MAPK8IP3: variants seen among roughly 807,000 people sequenced by gnomAD.
The protein encoded by MAPK8IP3 is C-Jun-amino-terminal kinase-interacting protein 3.
A neutral mutation model predicts 157.8 loss-of-function variants in MAPK8IP3; 49 were observed. The ratio of observed to expected loss-of-function variants is 0.31; its 90% CI spans 0.25 to 0.39. MAPK8IP3 has a LOEUF of 0.39. Among genes scored for constraint, MAPK8IP3 ranks in the 10% least tolerant of loss-of-function variants. The pLI, the probability that MAPK8IP3 is intolerant of heterozygous loss-of-function variation, is 1.00. For synonymous variants in MAPK8IP3, 897 were observed against 777.7 expected (o/e 1.15, Z -2.55); for missense variants, 1,478 against 1,889.4 (o/e 0.78, Z 4.04).
At chr16:1,731,637 A>ATTCT (rs1300782571) in intron 4 of MAPK8IP3, among the ~76,000 whole-genome samples, 10 of 152,208 alleles carry the variant, frequency 6.6e-5, no homozygotes, top group African/African-American at 2.4e-4. Context: ...AGGAAATAGA[A>ATTCT]CTGACCAGGA....
intron 1 of MAPK8IP3, among the ~76,000 whole-genome samples, chr16:1,712,207 G>A (rs1312683267): frequency 1.3e-5 from 2 of 151,484 alleles, no homozygotes. Flanking sequence ...GACTACAGGT[G>A]CCCGCCAACA....
chr16:1,732,281 G>T (rs1208661629), intron 4 of MAPK8IP3, among the ~76,000 whole-genome samples: 1 of 152,218 alleles, frequency 6.6e-6, no homozygotes, highest in Non-Finnish European at 1.5e-5. Flanking sequence ...CACAGCCAGG[G>T]CTGCGATGGC....
chr16:1,712,283 G>C (rs1461957356), intron 1 of MAPK8IP3, among the ~76,000 whole-genome samples: 4 of 151,702 alleles, frequency 2.6e-5, no homozygotes, highest in Non-Finnish European at 5.9e-5. Flanking sequence ...GGATGGTCTC[G>C]ATCTGCTGAC....
At chr16:1,722,158 T>C (rs1414636464) in intron 1 of MAPK8IP3, among the ~76,000 whole-genome samples, 1 of 152,246 alleles carries the variant, frequency 6.6e-6, no homozygotes, top group Non-Finnish European at 1.5e-5. Flanking sequence ...CAAAATCACT[T>C]ATTTTTATTT....
Position 1,760,468 on chromosome 16 carries a change from G to C in MAPK8IP3, c.1393G>C (p.Ala465Pro). 6.2e-7 allele frequency: 1 copy of C among 1,613,994 alleles called. No individual in the cohort carries two copies. Among genetic ancestry groups the C allele is most frequent in the Non-Finnish European group, 8.5e-7 (1 of 1,179,938 alleles). The change falls in exon 12 of 32, where the codon GCT becomes CCT. Residue 465 changes from alanine to proline, a missense_variant. Coordinates refer to ENST00000610761, the MANE Select transcript of MAPK8IP3 (RefSeq NM_001318852.2). ...GGAGGTGCTGAGGGGCGAGTTGGAG[G>C]CTGCTAAGCAGGCCAAAGTCAAGCT... ...EQEVLRGELE[A>P]AKQAKVKLEN...
chr16:1,768,980 T>C lies in MAPK8IP3; in HGVS notation c.*156T>C, dbSNP rs2042455874. 2.5e-6 allele frequency: 2 copies of C among 799,780 alleles called. No homozygotes were observed. The highest frequency in any genetic ancestry group is 1.7e-5 in the South Asian group (1 of 57,216). 49.5% of individuals were successfully genotyped at this position (799,780 alleles called of 1,614,324 possible). On this transcript the variant is annotated 3_prime_UTR_variant, in exon 32 of 32. Transcript: ENST00000610761. The stretch of plus-strand genomic sequence containing the variant: ...TCTGGCCCCTCCAGCGGGCAGGGAG[T>C]GCGGGGATGCGGATCAGCTGGGAGG...
intron 4 of MAPK8IP3, among the ~76,000 whole-genome samples, chr16:1,732,192 G>T (rs2039361423): frequency 6.6e-6 from 1 of 152,200 alleles, no homozygotes; most frequent in African/African-American, 2.4e-5. Flanking sequence ...GGGGAGGAAG[G>T]GCCTGAAGTC....
chr16:1,759,801 T>C, intron 10 of MAPK8IP3, 157 bp from the exon 11 acceptor site: 1 of 664,372 alleles, frequency 1.5e-6, no homozygotes, highest in Non-Finnish European at 2.7e-6. Context: ...GGGCCCAGCA[T>C]GAGCCCCGCC....
At chr16:1,734,169 A>G (rs1229871384) in intron 4 of MAPK8IP3, among the ~76,000 whole-genome samples, 1 of 152,258 alleles carries the variant, frequency 6.6e-6, no homozygotes, top group Non-Finnish European at 1.5e-5. Flanking sequence ...TCCTTGCCAG[A>G]TCTCCACAGC....
At chr16:1,717,434 A>G (rs1214448863) in intron 1 of MAPK8IP3, among the ~76,000 whole-genome samples, 1 of 152,154 alleles carries the variant, frequency 6.6e-6, no homozygotes, top group African/African-American at 2.4e-5. Context: ...CGACTGAGGA[A>G]CGACACCCAT....
At position 1,764,436 on chromosome 16, in the gene MAPK8IP3, C is replaced by T; in HGVS notation, c.2257C>T (p.His753Tyr). 4 of 1,608,300 alleles carry T rather than the reference C, an allele frequency of 2.5e-6. 1 individual carries two copies. The South Asian group carries it at 3.3e-5, about 13-fold the overall frequency. The change falls in exon 19 of 32, where the codon CAC (histidine) becomes TAC (tyrosine). Residue 753 changes from histidine to tyrosine, a missense_variant. Around this residue, in one of 11 missense-constraint regions of MAPK8IP3, gnomAD observed 669 missense variants for 759.8 expected, o/e 0.88. Transcript: ENST00000610761. The stretch of plus-strand genomic sequence containing the variant: ...AGGAGACGGCGAGCCCAAGAGCGCC[C>T]ACACGTCTCCCGAGAAGAAGAAGGT... ...REGDGEPKSA[H>Y]TSPEKKKAKE...
At chr16:1,728,093 G>A (rs542537029) in intron 2 of MAPK8IP3, among the ~76,000 whole-genome samples, 26 of 152,342 alleles carry the variant, frequency 1.7e-4, no homozygotes, top group African/African-American at 6.0e-4. Context: ...CTGTGGAGGC[G>A]GCCATCAGGC....
Position 1,758,967 on chromosome 16 carries a change from C to T in MAPK8IP3, c.1229-11C>T, listed in dbSNP as rs749631988. 7 of 1,614,028 alleles carry T rather than the reference C, an allele frequency of 4.3e-6. No homozygotes were observed. Among genetic ancestry groups the T allele is most frequent in the African/African-American group, 2.7e-5 (2 of 74,938 alleles). ...TTGCCCATCTCCTGTGGGACGGGGA[C>T]GGCTCCCTAGTGCGCGATGATTTCT... On this transcript the variant is annotated splice_polypyrimidine_tract_variant and intron_variant, in intron 9 of 31. Coordinates refer to ENST00000610761, the MANE Select transcript of MAPK8IP3 (RefSeq NM_001318852.2).
Position 1,766,750 on chromosome 16 carries a change from C to T in MAPK8IP3, c.2967C>T (p.Asn989=), listed in dbSNP as rs771543953. 3 of 1,612,882 alleles carry T rather than the reference C, an allele frequency of 1.9e-6. No individual in the cohort carries two copies. The highest frequency in any genetic ancestry group is 2.5e-6 in the Non-Finnish European group (3 of 1,179,928). The part of the protein sequence containing the change: ...GWLYVHSAVA[N]WKKCLHSIKL... ...TCTATGTGCACTCGGCTGTGGCCAA[C>T]TGGAAGAAGTGCCTGCACTCCATCA... Residue 989 remains asparagine, a synonymous_variant, in exon 24 of 32, where the codon AAC becomes AAT. Coordinates refer to ENST00000610761, the MANE Select transcript of MAPK8IP3 (RefSeq NM_001318852.2).
intron 8 of MAPK8IP3, among the ~76,000 whole-genome samples, chr16:1,757,464 C>T (rs552193065): frequency 8.5e-5 from 13 of 152,314 alleles, no homozygotes; most frequent in Non-Finnish European, 1.8e-4. Flanking sequence ...AAGAGAACCG[C>T]GTCCTCACCT....
chr16:1,746,968 G>A (rs958582061), intron 5 of MAPK8IP3, 61 bp from the exon 6 acceptor site: 39 of 1,573,186 alleles, frequency 2.5e-5, no homozygotes, highest in Admixed American at 5.4e-5. Context: ...CAGCCACGGC[G>A]GAGCCGCAGG....
chr16:1,729,477 C>T lies in MAPK8IP3; in HGVS notation c.511-10C>T, dbSNP rs2039140335. The T allele has an allele frequency of 1.9e-6, 3 of 1,611,432 alleles. No homozygotes were observed. Among genetic ancestry groups the T allele is most frequent in the Admixed American group, 3.3e-5 (2 of 59,790 alleles). ...CGGCAGCGCTAATGCAGGCGTTTCCCTCCTCGCAGATGATACAGACCTACG... is the reference window on the plus strand; with the variant it reads ...CGGCAGCGCTAATGCAGGCGTTTCCTTCCTCGCAGATGATACAGACCTACG... On this transcript the variant is annotated splice_polypyrimidine_tract_variant and intron_variant, in intron 3 of 31. Transcript: ENST00000610761.
At chr16:1,736,230 A>T (rs1477263323) in intron 4 of MAPK8IP3, among the ~76,000 whole-genome samples, 6 of 41,954 alleles carry the variant, frequency 1.4e-4, no homozygotes, top group African/African-American at 6.0e-4. Flanking sequence ...GCGTCCGTGT[A>T]AGCATCCGTG....
intron 4 of MAPK8IP3, among the ~76,000 whole-genome samples, chr16:1,736,244 G>GCATC (rs2039799771): frequency 1.0e-5 from 1 of 99,774 alleles, no homozygotes; most frequent in Non-Finnish European, 2.0e-5. Context: ...ATCCGTGTGA[G>GCATC]CGTGTGACTG....
Sources: allele counts gnomAD v4.1 joint callset (sites outside exome capture counted in the v4.1 genomes callset), GRCh38; gene constraint gnomAD v4.1.1; regional missense constraint gnomAD v4.1.1; transcripts MANE v1.5; gene names NCBI Gene and HGNC (gene_info 2026-07-23, HGNC 2026-07-21).